The following NTN1 variants were observed in gnomAD, a reference collection of about 807,000 sequenced individuals.
NTN1 encodes the protein netrin-1.
NTN1 carries 11 observed loss-of-function variants against 54.2 expected under a neutral mutation model. The observed-to-expected ratio is 0.20, with a 90% CI of 0.13 to 0.34. The LOEUF (loss-of-function observed/expected upper bound fraction) is 0.34, where lower values mean the gene tolerates loss of function less well. Among genes scored for constraint, NTN1 ranks in the 10% least tolerant of loss-of-function variants. NTN1 has a pLI of 1.00. For missense variants in NTN1, 740 were observed against 893.1 expected (o/e 0.83, Z 2.18); for synonymous variants, 371 against 382.0 (o/e 0.97, Z 0.33).
At chr17:9,124,998 T>C (rs1350624053) in intron 2 of NTN1, among the ~76,000 whole-genome samples, 1 of 152,182 alleles carries the variant, frequency 6.6e-6, no homozygotes, top group Non-Finnish European at 1.5e-5. Context: ...TTGTTGTTGT[T>C]AGTGTGTATG....
rs137987075 is a variant in NTN1, at chr17:9,208,030, G to A, written c.1412-13138G>A. 8.7e-3 allele frequency among the ~76,000 whole-genome samples: 1,328 copies of A among 152,224 alleles called. 71 individuals are homozygous for A. Among genetic ancestry groups the A allele is most frequent in the Admixed American group, 0.073 (1,112 of 15,286 alleles). On this transcript the variant is annotated intron_variant, in intron 5 of 6. Coordinates refer to ENST00000173229, the MANE Select transcript of NTN1 (RefSeq NM_004822.3). ...AGGTGGATCATGAGGTCAGGAGTTC[G>A]AGACCAGCCTGGCCAATATGGTGAA... is the stretch of plus-strand genomic sequence containing the variant.
chr17:9,072,443 C>T (rs567518976), intron 2 of NTN1, among the ~76,000 whole-genome samples: 12 of 152,246 alleles, frequency 7.9e-5, no homozygotes, highest in Non-Finnish European at 1.2e-4. Context: ...TCTCTCAACC[C>T]GGCCTTCTCA....
chr17:9,096,366 C>CCTTTTT (rs55880198), intron 2 of NTN1, among the ~76,000 whole-genome samples: 31,350 of 90,454 alleles, frequency 0.35, 8,466 homozygotes, highest in East Asian at 0.8. Flanking sequence ...TATGGGTAGA[C>CCTTTTT]TTTTTTTTTT....
At chr17:9,090,584 A>C (rs871827) in intron 2 of NTN1, among the ~76,000 whole-genome samples, 27,903 of 152,070 alleles carry the variant, frequency 0.18, 2,964 homozygotes, top group Non-Finnish European at 0.24. Flanking sequence ...AGGGGGATAC[A>C]GATGCCGGTT....
At chr17:9,064,593 A>G (rs1415099405) in intron 2 of NTN1, among the ~76,000 whole-genome samples, 1 of 152,078 alleles carries the variant, frequency 6.6e-6, no homozygotes, top group East Asian at 1.9e-4. Context: ...GGTGTATTTC[A>G]TGTCATCCTG....
At position 9,233,873 on chromosome 17, in the gene NTN1, G is replaced by T. The variant is rs371869894; in HGVS notation, c.1487-5767G>T. Among the ~76,000 whole-genome samples, 22 of 152,256 alleles carry T rather than the reference G, an allele frequency of 1.4e-4. No individual in the cohort carries two copies. The East Asian group carries it at 3.7e-3, about 25-fold the overall frequency. ...CAGGCCTGACTGTGCCCACCTCCCAGGGGACAGGGCTGGTCTCCTCCCCAG... is the reference window on the plus strand; with the variant it reads ...CAGGCCTGACTGTGCCCACCTCCCATGGGACAGGGCTGGTCTCCTCCCCAG... On this transcript the variant is annotated intron_variant, in intron 6 of 6. Transcript: ENST00000173229.
chr17:9,126,778 TGGGA>T (rs1490972327), intron 2 of NTN1, among the ~76,000 whole-genome samples: 1 of 152,060 alleles, frequency 6.6e-6, no homozygotes, highest in African/African-American at 2.4e-5. Flanking sequence ...CCAGGTATAC[TGGGA>T]GTCGTGGCCT....
chr17:9,111,643 A>G (rs1273362999), intron 2 of NTN1, among the ~76,000 whole-genome samples: 3 of 152,222 alleles, frequency 2.0e-5, no homozygotes, highest in Non-Finnish European at 4.4e-5. Context: ...TAGCCTGTTG[A>G]CAGGAAGGCT....
rs1415625094 is a variant in NTN1, at chr17:9,221,951, G to A, written c.1486+709G>A. Among the ~76,000 whole-genome samples, 1 of 152,214 alleles carries A rather than the reference G, an allele frequency of 6.6e-6. No homozygotes were observed. The highest frequency in any genetic ancestry group is 2.4e-5 in the African/African-American group (1 of 41,462). On this transcript the variant is annotated intron_variant, in intron 6 of 6. Coordinates refer to ENST00000173229, the MANE Select transcript of NTN1 (RefSeq NM_004822.3). The surrounding 1 kb of genome is among the most constrained non-coding windows in gnomAD (Gnocchi z 4.5). The stretch of plus-strand genomic sequence containing the variant: ...GGGCAGGTGTGTGTGAAGAGCTGGG[G>A]CTGGTGGCAGGGGCTCTTCAGAATG...
At chr17:9,091,934 G>C (rs540600263) in intron 2 of NTN1, among the ~76,000 whole-genome samples, 185 of 152,070 alleles carry the variant, frequency 1.2e-3, no homozygotes, top group African/African-American at 4.0e-3. Context: ...GACTACTCTA[G>C]CTACCTCATA....
At chr17:9,025,971 G>A (rs1465314333) in intron 2 of NTN1, among the ~76,000 whole-genome samples, 1 of 152,190 alleles carries the variant, frequency 6.6e-6, no homozygotes, top group African/African-American at 2.4e-5. Flanking sequence ...ATAAAGTCAA[G>A]CTACCCAGAG....
intron 2 of NTN1, among the ~76,000 whole-genome samples, chr17:9,112,844 G>T (rs796658236): frequency 7.1e-6 from 1 of 140,278 alleles, no homozygotes; most frequent in Non-Finnish European, 1.6e-5. Context: ...AAAAAAAAAT[G>T]CACCCCACCC....
At position 9,022,647 on chromosome 17, in the gene NTN1, C is replaced by A. The variant is rs375380782; in HGVS notation, c.274C>A (p.His92Asn). 44 of 1,563,098 alleles carry A rather than the reference C, an allele frequency of 2.8e-5. No homozygotes were observed. The African/African-American group carries it at 2.9e-4, about 10-fold the overall frequency. Residue 92 changes from histidine (H) to asparagine (N), a missense_variant, in exon 2 of 7, where the codon CAC (histidine) becomes AAC (asparagine). By Grantham distance (68) the His-to-Asn change is moderately conservative. Transcript: ENST00000173229. ...ERGEERLRSCHLCNASDPKKA... is the reference protein window; with the variant it reads ...ERGEERLRSCNLCNASDPKKA... ...CGGCGAGGAGCGGCTGCGCTCGTGCCACCTCTGCAACGCGTCCGACCCCAA... is the reference window on the plus strand; with the variant it reads ...CGGCGAGGAGCGGCTGCGCTCGTGCAACCTCTGCAACGCGTCCGACCCCAA...
At chr17:9,117,047 C>T (rs954457286) in intron 2 of NTN1, among the ~76,000 whole-genome samples, 4 of 151,612 alleles carry the variant, frequency 2.6e-5, no homozygotes, top group African/African-American at 9.7e-5. Context: ...CCCCACTGGG[C>T]GGGGAGAGGA....
At chr17:9,090,404 G>A (rs1236771131) in intron 2 of NTN1, among the ~76,000 whole-genome samples, 1 of 152,004 alleles carries the variant, frequency 6.6e-6, no homozygotes, top group Non-Finnish European at 1.5e-5. Flanking sequence ...TCGATCTCTT[G>A]ACCTCATGAT....
intron 3 of NTN1, among the ~76,000 whole-genome samples, chr17:9,179,576 A>G (rs554484683): frequency 6.6e-6 from 1 of 152,248 alleles, no homozygotes; most frequent in Non-Finnish European, 1.5e-5. Context: ...CCTGCTGCCA[A>G]AGCAGTCTCT....
At chr17:9,196,232 TGAA>T (rs1904631265) in intron 5 of NTN1, among the ~76,000 whole-genome samples, 1 of 152,128 alleles carries the variant, frequency 6.6e-6, no homozygotes, top group Non-Finnish European at 1.5e-5. Flanking sequence ...AGGGCTGTGT[TGAA>T]GAAATTGTGG....
intron 2 of NTN1, among the ~76,000 whole-genome samples, chr17:9,054,376 G>T (rs1318357779): frequency 6.6e-6 from 1 of 152,192 alleles, no homozygotes; most frequent in Non-Finnish European, 1.5e-5. Flanking sequence ...TGCCCAGGTC[G>T]GCCCGACCTG....
At chr17:9,110,353 T>C (rs1304336148) in intron 2 of NTN1, among the ~76,000 whole-genome samples, 1 of 151,440 alleles carries the variant, frequency 6.6e-6, no homozygotes, top group Non-Finnish European at 1.5e-5. Flanking sequence ...CACTGCAACC[T>C]CTGCCTCCCA....
Sources: allele counts gnomAD v4.1 joint callset (sites outside exome capture counted in the v4.1 genomes callset), GRCh38; gene constraint gnomAD v4.1.1; non-coding constraint Gnocchi (gnomAD v3.1); transcripts MANE v1.5; gene names NCBI Gene and HGNC (gene_info 2026-07-23, HGNC 2026-07-21).